RFX1: variants seen among roughly 807,000 people sequenced by gnomAD.
RFX1 encodes the protein regulatory factor X1, also known as MHC class II regulatory factor RFX1.
In RFX1, 42 loss-of-function variants were observed where a neutral mutation model predicts 119.6. That is an observed-to-expected ratio of 0.35 (90% confidence interval 0.27 to 0.45). The LOEUF (loss-of-function observed/expected upper bound fraction) is 0.45. Among genes scored for constraint, RFX1 ranks in the 20% least tolerant of loss-of-function variants. RFX1 has a pLI of 1.00. For missense variants in RFX1, 1,118 were observed against 1,368.1 expected (o/e 0.82, Z 2.88); for synonymous variants, 628 against 618.5 (o/e 1.02, Z -0.23).
At position 13,993,745 on chromosome 19, in the gene RFX1, TGGTGGC is replaced by T. The variant is rs759681816; in HGVS notation, c.93_98del (p.Pro34_Pro35del). On this transcript the variant is annotated inframe_deletion, in exon 2 of 21. Coordinates refer to ENST00000254325, the MANE Select transcript of RFX1 (RefSeq NM_002918.5). ...GCGGGGGCTGGGGTGCCGCTGGGGG[TGGTGGC>T]GGTGGCGGCTGGGGCTGGGCTTGTG... is the stretch of plus-strand genomic sequence containing the variant. 8.2e-6 allele frequency: 12 copies of T among 1,470,400 alleles called. No homozygotes were observed. The highest frequency in any genetic ancestry group is 1.1e-5 in the Non-Finnish European group (12 of 1,105,778). The allele number at this position is 1,470,400 out of a possible 1,614,324, so 91.1% of individuals were successfully genotyped here.
At chr19:13,989,705 T>C (rs1974738469) in intron 2 of RFX1, among the ~76,000 whole-genome samples, 1 of 152,016 alleles carries the variant, frequency 6.6e-6, no homozygotes. Flanking sequence ...TCTCAAAGAG[T>C]GCCCATGGAA....
intron 1 of RFX1, among the ~76,000 whole-genome samples, chr19:13,994,771 ATATATTGAAATCTACATG>A (rs1974935298): frequency 6.8e-6 from 1 of 147,414 alleles, no homozygotes; most frequent in East Asian, 2.0e-4. Context: ...TTTTTTACTT[ATATATTGAAATCTACATG>A]TACATATATA....
At chr19:13,995,941 T>C (rs1479980349) in intron 1 of RFX1, among the ~76,000 whole-genome samples, 1 of 150,558 alleles carries the variant, frequency 6.6e-6, no homozygotes, top group Non-Finnish European at 1.5e-5. Flanking sequence ...GGTGGGAGAA[T>C]TGCTTGAACC....
chr19:13,991,670 C>G (rs1974806289), intron 2 of RFX1, among the ~76,000 whole-genome samples: 1 of 151,490 alleles, frequency 6.6e-6, no homozygotes, highest in Middle Eastern at 3.4e-3. Context: ...CTTTTCATTA[C>G]TTTTTTTTTG....
Position 13,993,802 on chromosome 19 carries a change from T to C in RFX1, c.42A>G (p.Pro14=). ...GCGGGGCCTGTGGCGGCTGGGATGG[T>C]GGCGGGGCTGCCTGTAGCTCAGTAT... The part of the protein sequence containing the change: ...QAYTELQAAP[P]PSQPPQAPPQ... Residue 14 remains proline, a synonymous_variant, in exon 2 of 21, where the codon CCA becomes CCG. Transcript: ENST00000254325. The C allele has an allele frequency of 6.3e-7, 1 of 1,584,956 alleles. No individual in the cohort carries two copies. The highest frequency in any genetic ancestry group is 8.5e-7 in the Non-Finnish European group (1 of 1,170,634).
At chr19:13,998,934 G>A (rs182670561) in intron 1 of RFX1, among the ~76,000 whole-genome samples, 2 of 152,242 alleles carry the variant, frequency 1.3e-5, no homozygotes, top group East Asian at 3.9e-4. Flanking sequence ...TCCACTCAGG[G>A]GCAAGAAGAG....
chr19:13,994,533 T>C (rs959006289), intron 1 of RFX1, among the ~76,000 whole-genome samples: 1 of 151,924 alleles, frequency 6.6e-6, no homozygotes, highest in East Asian at 1.9e-4. Flanking sequence ...CTGGCCAACA[T>C]GGTGAAACCC....
chr19:13,987,226 G>T (rs55754705), intron 2 of RFX1, among the ~76,000 whole-genome samples: 1 of 152,044 alleles, frequency 6.6e-6, no homozygotes, highest in African/African-American at 2.4e-5. Flanking sequence ...CTCTCCTTCC[G>T]CCTTGGGTTC....
rs138345093 is a variant in RFX1 at position 13,982,217 on chromosome 19, C to T, written c.525G>A (p.Thr175=). The part of the protein sequence containing the change: ...NIQVPQQALP[T]QRLVVQSAAP... ...CTGCGCTCTGCACCACCAGACGCTGCGTGGGAAGAGCCTGGGGCCAGGGAG... is the reference window on the plus strand; with the variant it reads ...CTGCGCTCTGCACCACCAGACGCTGTGTGGGAAGAGCCTGGGGCCAGGGAG... The change falls in exon 5 of 21, where the codon ACG becomes ACA. Residue 175 remains threonine, a synonymous_variant. Transcript: ENST00000254325. 3.0e-4 allele frequency: 394 copies of T among 1,306,152 alleles called. 2 individuals carry two copies. The Middle Eastern group carries it at 3.1e-3, about 10-fold the overall frequency. The allele number at this position is 1,306,152 out of a possible 1,614,324, so 80.9% of individuals were successfully genotyped here. A position where few individuals can be genotyped will look rare whatever the true frequency, so the allele number is the denominator to read the frequency against.
At chr19:13,994,919 T>C (rs1481532405) in intron 1 of RFX1, among the ~76,000 whole-genome samples, 7 of 113,100 alleles carry the variant, frequency 6.2e-5, no homozygotes, top group African/African-American at 2.1e-4. Flanking sequence ...TATATATATA[T>C]ATATATATAT....
At chr19:13,970,244 A>C in intron 9 of RFX1, 69 bp from the exon 10 acceptor site, 1 of 1,371,050 alleles carries the variant, frequency 7.3e-7, no homozygotes, top group South Asian at 1.4e-5. Context: ...GCTGGGGCTG[A>C]GTGCCCCACA....
rs1973878642 is a variant in RFX1, at chr19:13,965,838, A to G, written c.1962-61T>C. The G allele has an allele frequency of 3.2e-6, 5 of 1,572,608 alleles. No homozygotes were observed. The highest frequency in any genetic ancestry group is 4.3e-6 in the Non-Finnish European group (5 of 1,154,870). ...ACTCTATGGTCCTGCCCCCATCGTC[A>G]GAAGGGAACAGGTAGCCCCTGTCCC... On this transcript the variant is annotated intron_variant, in intron 14 of 20. Transcript: ENST00000254325. The surrounding 1 kb of genome is among the most constrained non-coding windows in gnomAD (Gnocchi z 4.7).
At position 13,965,565 on chromosome 19, in the gene RFX1, G is replaced by T. The variant is rs757746941; in HGVS notation, c.2114-19C>A. On this transcript the variant is annotated intron_variant, in intron 15 of 20. Coordinates refer to ENST00000254325, the MANE Select transcript of RFX1 (RefSeq NM_002918.5). The surrounding 1 kb of genome is among the most constrained non-coding windows in gnomAD (Gnocchi z 4.7). ...AAGGCACCTGTGGGCGGTGGCGGGG[G>T]TCGGTCAGGGCAGGGCGGGTGTATG... 1.4e-5 allele frequency: 23 copies of T among 1,612,794 alleles called. No individual in the cohort carries two copies. The highest frequency in any genetic ancestry group is 1.7e-4 in the Middle Eastern group (1 of 6,058).
intron 1 of RFX1, among the ~76,000 whole-genome samples, chr19:13,996,428 G>A (rs557286563): frequency 1.3e-4 from 20 of 152,332 alleles, no homozygotes; most frequent in Non-Finnish European, 2.2e-4. Context: ...GTGCCCAGAT[G>A]GCCCTCCAGC....
rs926033481 is a variant in RFX1 at position 13,999,677 on chromosome 19, G to GT, written c.-52-5783dup. 3.0e-3 allele frequency among the ~76,000 whole-genome samples: 437 copies of GT among 148,028 alleles called. 2 individuals carry two copies. Among genetic ancestry groups the GT allele is most frequent in the African/African-American group, 5.4e-3 (214 of 39,898 alleles). On this transcript the variant is annotated intron_variant, in intron 1 of 20. Transcript: ENST00000254325. ...TTGTTGAACCCTGTGTTTTTTTTTT[G>GT]TTTTTTTTTGTTTTTGAGGCAAAGT... is the stretch of plus-strand genomic sequence containing the variant.
chr19:13,994,395 C>T (rs1974915996), intron 1 of RFX1, among the ~76,000 whole-genome samples: 1 of 152,150 alleles, frequency 6.6e-6, no homozygotes, highest in Non-Finnish European at 1.5e-5. Flanking sequence ...GGGCTGGGCA[C>T]TTTCCCTATG....
intron 19 of RFX1, 32 bp from the exon 20 acceptor site, chr19:13,963,071 G>A (rs1246967820): frequency 1.3e-6 from 2 of 1,594,434 alleles, no homozygotes; most frequent in African/African-American, 2.7e-5. Flanking sequence ...ATGGGTGAGG[G>A]TCCCGCCGCC....
At chr19:13,974,564 A>T (rs1333238743) in intron 8 of RFX1, among the ~76,000 whole-genome samples, 1 of 152,164 alleles carries the variant, frequency 6.6e-6, no homozygotes, top group Non-Finnish European at 1.5e-5. Flanking sequence ...TAAGAGGCAG[A>T]GAAGAGTGGG....
chr19:14,004,928 C>T (rs553952995), intron 1 of RFX1, among the ~76,000 whole-genome samples: 1 of 152,330 alleles, frequency 6.6e-6, no homozygotes, highest in East Asian at 1.9e-4. Flanking sequence ...GGATAGCTTC[C>T]CCTTCCCTCT....
Sources: allele counts gnomAD v4.1 joint callset (sites outside exome capture counted in the v4.1 genomes callset), GRCh38; gene constraint gnomAD v4.1.1; non-coding constraint Gnocchi (gnomAD v3.1); transcripts MANE v1.5; gene names NCBI Gene and HGNC (gene_info 2026-07-23, HGNC 2026-07-21).